The following GRAP2 variants were observed in gnomAD, a reference collection of about 807,000 sequenced individuals.
GRAP2 encodes the protein GRB2 related adaptor protein 2.
In GRAP2, 31 loss-of-function variants were observed where a neutral mutation model predicts 43.5. The observed-to-expected ratio is 0.71, with a 90% confidence interval of 0.54 to 0.96. The LOEUF (loss-of-function observed/expected upper bound fraction) is 0.96, where lower values mean the gene tolerates loss of function less well. GRAP2 is among the 40% of genes least tolerant of loss of function. GRAP2 has a pLI of 0.00. For synonymous variants in GRAP2, 156 were observed against 164.8 expected (o/e 0.95, Z 0.41); for missense variants, 371 against 424.4 (o/e 0.87, Z 1.11).
chr22:39,909,249 A>G (rs970466472), intron 1 of GRAP2, among the ~76,000 whole-genome samples: 1 of 152,254 alleles, frequency 6.6e-6, no homozygotes, highest in African/African-American at 2.4e-5. Flanking sequence ...GTATCCAAAT[A>G]ATCAAAGAAG....
At chr22:39,934,404 C>T (rs2066786096) in intron 1 of GRAP2, among the ~76,000 whole-genome samples, 1 of 152,128 alleles carries the variant, frequency 6.6e-6, no homozygotes, top group South Asian at 2.1e-4. Flanking sequence ...CCCAGCCCTA[C>T]CTGATTCAAA....
chr22:39,904,835 G>A (rs1231798064), intron 1 of GRAP2, among the ~76,000 whole-genome samples: 4 of 152,090 alleles, frequency 2.6e-5, no homozygotes, highest in African/African-American at 7.2e-5. Context: ...TAAAGATTAC[G>A]CCAGTTCTCT....
the GRAP2 span, among the ~76,000 whole-genome samples, chr22:39,894,713 C>T: frequency 1.3e-5 from 2 of 152,154 alleles, no homozygotes; most frequent in East Asian, 1.9e-4. Flanking sequence ...ACTGATTTTC[C>T]GTGAGCACCC....
chr22:39,926,304 C>T (rs1199597850), intron 1 of GRAP2, among the ~76,000 whole-genome samples: 1 of 152,052 alleles, frequency 6.6e-6, no homozygotes, highest in African/African-American at 2.4e-5. Context: ...TCCTCTCAAG[C>T]TCCAAATTAT....
At position 39,955,432 on chromosome 22, in the gene GRAP2, G is replaced by A. The variant is rs76733604; in HGVS notation, c.79-387G>A. On this transcript the variant is annotated intron_variant, in intron 2 of 7. Transcript: ENST00000344138. ...TGGAAGAGAAAAAAAAAAATACACC[G>A]TGGAGTAACCATTCTTCCTTCTCAC... Among the ~76,000 whole-genome samples the A allele has an allele frequency of 3.0e-3, 451 of 151,742 alleles. 1 individual carries two copies. Among genetic ancestry groups the A allele is most frequent in the African/African-American group, 9.5e-3 (395 of 41,472 alleles).
chr22:39,943,367 T>C lies in GRAP2; in HGVS notation c.-14-3726T>C, dbSNP rs1601718200. On this transcript the variant is annotated intron_variant, in intron 1 of 7. Transcript: ENST00000344138. ...CATGGAAAGGCAAGGGTAGAAAAAA[T>C]CATGTTCAGGGCAGTCCTGTGTGGC... 3.9e-5 allele frequency among the ~76,000 whole-genome samples: 6 copies of C among 152,220 alleles called. 2 individuals are homozygous for C. Among genetic ancestry groups the C allele is most frequent in the Admixed American group, 3.9e-4 (6 of 15,294 alleles).
At chr22:39,917,315 A>G (rs1459549729) in intron 1 of GRAP2, among the ~76,000 whole-genome samples, 1 of 152,136 alleles carries the variant, frequency 6.6e-6, no homozygotes, top group Non-Finnish European at 1.5e-5. Context: ...CTACAACTCC[A>G]TGCAGCACAG....
intron 1 of GRAP2, among the ~76,000 whole-genome samples, chr22:39,938,481 G>A (rs1398006302): frequency 6.6e-6 from 1 of 152,242 alleles, no homozygotes; most frequent in Non-Finnish European, 1.5e-5. Flanking sequence ...AGGCCATGGG[G>A]TTCTGGCAGG....
At chr22:39,949,146 C>T (rs1160967289) in intron 2 of GRAP2, among the ~76,000 whole-genome samples, 1 of 152,054 alleles carries the variant, frequency 6.6e-6, no homozygotes, top group African/African-American at 2.4e-5. Flanking sequence ...TCACTCAAAC[C>T]CCCATGCCCA....
intron 1 of GRAP2, among the ~76,000 whole-genome samples, chr22:39,930,851 A>G (rs971045384): frequency 2.0e-5 from 3 of 152,068 alleles, no homozygotes; most frequent in East Asian, 3.9e-4. Flanking sequence ...TCTGTGTGTC[A>G]TATATGAGCT....
In GRAP2 at chr22:39,966,176, T is replaced by C. The variant is rs1251389758; in HGVS notation, c.459+18T>C. 15 of 1,606,598 alleles carry C rather than the reference T, an allele frequency of 9.3e-6. No homozygotes were observed. Among genetic ancestry groups the C allele is most frequent in the Non-Finnish European group, 1.3e-5 (15 of 1,174,216 alleles). ...AAGACCAGGTATGCTCCAGATCCAG[T>C]CGACCCCAATCTAGAGATTTTAGGC... On this transcript the variant is annotated intron_variant, in intron 5 of 7. Coordinates refer to ENST00000344138, the MANE Select transcript of GRAP2 (RefSeq NM_004810.4).
At chr22:39,969,760 A>G (rs2067219081) in intron 7 of GRAP2, among the ~76,000 whole-genome samples, 1 of 152,164 alleles carries the variant, frequency 6.6e-6, no homozygotes, top group Non-Finnish European at 1.5e-5. Context: ...CTAAAAATAC[A>G]AAAATTAGCC....
intron 1 of GRAP2, among the ~76,000 whole-genome samples, chr22:39,938,339 A>G (rs1289710792): frequency 6.6e-6 from 1 of 152,282 alleles, no homozygotes; most frequent in African/African-American, 2.4e-5. Context: ...AAGGGATTTA[A>G]AAGGACTCTC....
In GRAP2 at chr22:39,969,417, C is replaced by T. The variant is rs1385472101; in HGVS notation, c.697C>T (p.Arg233Ter). The T allele has an allele frequency of 3.7e-6, 6 of 1,613,770 alleles. No homozygotes were observed. Among genetic ancestry groups the T allele is most frequent in the East Asian group, 2.2e-5 (1 of 44,848 alleles). Reference sequence around the variant, plus strand: ...TTCTGTTGTATGTTTCTAGGAACGCCGAGGAGGCAGCCTTGACATAAATGA... The same window carrying T: ...TTCTGTTGTATGTTTCTAGGAACGCTGAGGAGGCAGCCTTGACATAAATGA... ...LQHHHFHQER[R>*]GGSLDINDGH... Residue 233 changes from arginine (R) to a stop codon, truncating the protein, a stop_gained, in exon 7 of 8, where the codon CGA becomes TGA. Coordinates refer to ENST00000344138, the MANE Select transcript of GRAP2 (RefSeq NM_004810.4). LOFTEE classifies it high-confidence loss of function.
At chr22:39,903,963 A>G (rs1456585316) in intron 1 of GRAP2, among the ~76,000 whole-genome samples, 1 of 152,254 alleles carries the variant, frequency 6.6e-6, no homozygotes, top group African/African-American at 2.4e-5. Flanking sequence ...AATAATTTTT[A>G]AAGATTGTTT....
chr22:39,921,890 C>T (rs745541474), intron 1 of GRAP2, among the ~76,000 whole-genome samples: 24 of 152,246 alleles, frequency 1.6e-4, no homozygotes, highest in Middle Eastern at 3.4e-3. Flanking sequence ...ATTGCAGGCT[C>T]GAACTCCTGG....
chr22:39,953,233 T>C (rs2067008032), intron 2 of GRAP2, among the ~76,000 whole-genome samples: 2 of 152,212 alleles, frequency 1.3e-5, no homozygotes. Context: ...AGCTGCTCCC[T>C]GAGCTTTTCT....
In GRAP2 at chr22:39,960,097, A is replaced by T. The variant is rs918935168; in HGVS notation, c.213A>T (p.Leu71Phe). ...TCTCTCGACACCAGGCAGAGAACTTACTCATGGGCAAGGAGGTTGGCTTCT... is the reference window on the plus strand; with the variant it reads ...TCTCTCGACACCAGGCAGAGAACTTTCTCATGGGCAAGGAGGTTGGCTTCT... ...EGLSRHQAEN[L>F]LMGKEVGFFI... The change falls in exon 4 of 8, where the codon TTA becomes TTT. Residue 71 changes from leucine (L) to phenylalanine (F), a missense_variant. Transcript: ENST00000344138. 3.1e-6 allele frequency: 5 copies of T among 1,612,542 alleles called. No homozygotes were observed. The African/African-American group carries it at 5.3e-5, about 17-fold the overall frequency.
intron 1 of GRAP2, among the ~76,000 whole-genome samples, chr22:39,935,201 T>C (rs1238127105): frequency 6.6e-6 from 1 of 152,222 alleles, no homozygotes; most frequent in East Asian, 1.9e-4. Context: ...GTTCATTCTT[T>C]CTTTCATTCT....
Sources: gnomAD v4.1 joint callset for allele counts (sites outside exome capture counted in the v4.1 genomes callset) on GRCh38, gnomAD v4.1.1 for gene constraint, MANE v1.5 for transcripts, NCBI Gene and HGNC (gene_info 2026-07-23, HGNC 2026-07-21) for gene names.